NRXN3: variants seen among roughly 807,000 people sequenced by gnomAD.
NRXN3 encodes the protein neurexin III.
A neutral mutation model predicts 137.6 loss-of-function variants in NRXN3; 32 were observed. The ratio of observed to expected loss-of-function variants is 0.23; its 90% CI spans 0.18 to 0.31. The LOEUF (loss-of-function observed/expected upper bound fraction) is 0.31. NRXN3 is among the 10% of genes least tolerant of loss of function. The pLI is 1.00. For missense variants in NRXN3, 1,574 were observed against 2,062.5 expected, an observed-to-expected ratio of 0.76 and a Z score of 4.59; for synonymous variants, 798 against 784.5, an observed-to-expected ratio of 1.02 and a Z score of -0.29.
Position 79,646,730 on chromosome 14 carries a change from T to C in NRXN3, c.3445-17048T>C, listed in dbSNP as rs747042283. On this transcript the variant is annotated intron_variant, in intron 16 of 20. Coordinates refer to ENST00000335750, the MANE Select transcript of NRXN3 (RefSeq NM_001330195.2). Reference sequence around the variant, plus strand: ...GGCTTCTGGTACGTTACAGAAGGCATGGTTTCTCCATCTACACTATGCTAT... The same window carrying C: ...GGCTTCTGGTACGTTACAGAAGGCACGGTTTCTCCATCTACACTATGCTAT... 2.3e-4 allele frequency among the ~76,000 whole-genome samples: 30 copies of C among 131,440 alleles called. 7 individuals are homozygous for C. The highest frequency in any genetic ancestry group is 4.8e-4 in the Non-Finnish European group (27 of 56,236). 86.2% of individuals were successfully genotyped at this position (131,440 alleles called of 152,430 possible).
At chr14:79,738,204 G>T (rs1160111885) in intron 19 of NRXN3, among the ~76,000 whole-genome samples, 1 of 152,140 alleles carries the variant, frequency 6.6e-6, no homozygotes. Flanking sequence ...TTGTGAGTGT[G>T]ATTAAGTTAA....
At chr14:79,752,550 C>T (rs1250265762) in intron 19 of NRXN3, among the ~76,000 whole-genome samples, 1 of 152,110 alleles carries the variant, frequency 6.6e-6, no homozygotes, top group Admixed American at 6.6e-5. Context: ...TTCCTTACAC[C>T]TTATACAAAA....
At chr14:78,750,393 T>C (rs2098635435) in intron 8 of NRXN3, among the ~76,000 whole-genome samples, 1 of 152,152 alleles carries the variant, frequency 6.6e-6, no homozygotes. Context: ...GGAGAGTAGG[T>C]GATCTTGTTA....
At chr14:78,320,001 G>A (rs139739604) in intron 4 of NRXN3, among the ~76,000 whole-genome samples, 2 of 152,350 alleles carry the variant, frequency 1.3e-5, no homozygotes, top group East Asian at 3.9e-4. Context: ...AAGTGCATTA[G>A]GAGGCTCATA....
intron 6 of NRXN3, among the ~76,000 whole-genome samples, chr14:78,655,999 C>G (rs1297909712): frequency 3.3e-5 from 5 of 152,160 alleles, no homozygotes; most frequent in African/African-American, 4.8e-5. Context: ...GAGGGACCTT[C>G]ATGACCTGAC....
chr14:79,684,152 G>A (rs2098684615), intron 17 of NRXN3, among the ~76,000 whole-genome samples: 1 of 152,112 alleles, frequency 6.6e-6, no homozygotes, highest in Non-Finnish European at 1.5e-5. Flanking sequence ...AAATCCTAGA[G>A]TTAAACATTT....
intron 14 of NRXN3, among the ~76,000 whole-genome samples, chr14:78,983,684 C>G (rs1272599577): frequency 6.6e-6 from 1 of 151,582 alleles, no homozygotes; most frequent in Non-Finnish European, 1.5e-5. Flanking sequence ...TGGTGAAACC[C>G]TATCTCTACT....
chr14:78,546,834 C>T (rs1010759729), intron 4 of NRXN3, among the ~76,000 whole-genome samples: 1 of 152,106 alleles, frequency 6.6e-6, no homozygotes, highest in Non-Finnish European at 1.5e-5. Context: ...GGTTTTCTTA[C>T]CATATCCATT....
At chr14:79,148,421 T>A (rs962614461) in intron 15 of NRXN3, among the ~76,000 whole-genome samples, 7 of 152,210 alleles carry the variant, frequency 4.6e-5, no homozygotes, top group African/African-American at 1.4e-4. Flanking sequence ...TGTTGTATTG[T>A]AAGATTATTT....
intron 15 of NRXN3, among the ~76,000 whole-genome samples, chr14:79,396,089 T>C (rs1274503952): frequency 1.3e-5 from 2 of 152,250 alleles, no homozygotes; most frequent in South Asian, 2.1e-4. Context: ...GCATGTTTTA[T>C]GCAAATTGAT....
At chr14:79,758,238 G>A (rs545678174) in intron 19 of NRXN3, among the ~76,000 whole-genome samples, 22 of 152,208 alleles carry the variant, frequency 1.4e-4, no homozygotes, top group Admixed American at 3.3e-4. Context: ...AAAGAAACAT[G>A]TGAGACTGAG....
chr14:79,859,778 T>G (rs1329394390), intron 20 of NRXN3, among the ~76,000 whole-genome samples: 2 of 152,234 alleles, frequency 1.3e-5, no homozygotes, highest in Non-Finnish European at 2.9e-5. Flanking sequence ...GAAAGAGGCC[T>G]TCAACAATAA....
intron 15 of NRXN3, among the ~76,000 whole-genome samples, chr14:79,114,364 CT>C (rs927613511): frequency 4.0e-5 from 6 of 151,494 alleles, no homozygotes; most frequent in African/African-American, 7.3e-5. Flanking sequence ...GATATATATT[CT>C]TTTTTTTTGT....
chr14:78,628,112 A>C (rs1212115511), intron 4 of NRXN3, among the ~76,000 whole-genome samples: 1 of 149,300 alleles, frequency 6.7e-6, no homozygotes, highest in South Asian at 2.1e-4. Context: ...TTACGCTGTC[A>C]CTCAGGCTGG....
chr14:79,231,334 A>G (rs917094954), intron 15 of NRXN3, among the ~76,000 whole-genome samples: 1 of 152,148 alleles, frequency 6.6e-6, no homozygotes, highest in Non-Finnish European at 1.5e-5. Flanking sequence ...AGGCTGAGAT[A>G]GCATTTATTT....
At chr14:79,738,612 G>A (rs2098950303) in intron 19 of NRXN3, among the ~76,000 whole-genome samples, 1 of 152,158 alleles carries the variant, frequency 6.6e-6, no homozygotes, top group African/African-American at 2.4e-5. Context: ...AGGCTGGAGT[G>A]CAGTGGTGCG....
chr14:79,565,348 C>CACACATGTGT (rs1382372387), intron 16 of NRXN3, among the ~76,000 whole-genome samples: 6 of 142,064 alleles, frequency 4.2e-5, no homozygotes, highest in Non-Finnish European at 3.1e-5. Context: ...CATATGTGTG[C>CACACATGTGT]GTATATGTAT....
chr14:78,990,678 A>T (rs1476693379), intron 15 of NRXN3, among the ~76,000 whole-genome samples: 1 of 152,128 alleles, frequency 6.6e-6, no homozygotes, highest in Non-Finnish European at 1.5e-5. Context: ...GTGGAGTGTG[A>T]TAAGTATATA....
chr14:79,375,878 G>A (rs1431216887), intron 15 of NRXN3, among the ~76,000 whole-genome samples: 2 of 151,780 alleles, frequency 1.3e-5, no homozygotes, highest in African/African-American at 4.8e-5. Flanking sequence ...ATTATTCTTA[G>A]AAATGTTTCT....
Sources: gnomAD v4.1 joint callset for allele counts (sites outside exome capture counted in the v4.1 genomes callset) on GRCh38, gnomAD v4.1.1 for gene constraint, MANE v1.5 for transcripts, NCBI Gene and HGNC (gene_info 2026-07-23, HGNC 2026-07-21) for gene names.